MACROD2: variants seen among roughly 807,000 people sequenced by gnomAD.
MACROD2 encodes ADP-ribose glycohydrolase MACROD2.
Under a neutral mutation model 70.4 loss-of-function variants are expected in MACROD2, and 36 were observed. The observed-to-expected ratio is 0.51, with a 90% CI of 0.39 to 0.68. The LOEUF (loss-of-function observed/expected upper bound fraction) is 0.68. Among genes scored for constraint, MACROD2 ranks in the 30% least tolerant of loss-of-function variants. The pLI, the probability that MACROD2 is intolerant of heterozygous loss-of-function variation, is 0.00. For missense variants in MACROD2, 496 were observed against 538.4 expected (o/e 0.92, Z 0.78); for synonymous variants, 172 against 178.8 (o/e 0.96, Z 0.30).
At chr20:14,690,038 C>T (rs1005691538) in intron 5 of MACROD2, among the ~76,000 whole-genome samples, 4 of 151,460 alleles carry the variant, frequency 2.6e-5, no homozygotes, top group Admixed American at 6.6e-5. Flanking sequence ...TACAAAGTCT[C>T]CTGTCTCCAA....
At chr20:14,656,912 C>A (rs191138867) in intron 4 of MACROD2, among the ~76,000 whole-genome samples, 170 of 152,176 alleles carry the variant, frequency 1.1e-3, no homozygotes, top group African/African-American at 4.0e-3. Context: ...AGAGTTAAGA[C>A]GTACATGAGT....
chr20:15,023,630 C>T (rs879434845), intron 5 of MACROD2, among the ~76,000 whole-genome samples: 5 of 152,042 alleles, frequency 3.3e-5, no homozygotes, highest in Non-Finnish European at 7.4e-5. Context: ...TCTTACATGG[C>T]GGCAGGCAAG....
chr20:15,233,335 C>T (rs949022792), intron 6 of MACROD2, among the ~76,000 whole-genome samples: 3 of 151,966 alleles, frequency 2.0e-5, no homozygotes, highest in African/African-American at 7.3e-5. Context: ...TACTGAGCAC[C>T]TTAGCCTGGG....
intron 4 of MACROD2, chr20:14,627,140 T>A (rs1454190794): frequency 6.6e-6 from 1 of 152,196 alleles, no homozygotes; most frequent in Non-Finnish European, 1.5e-5. Flanking sequence ...ATGAACTAGG[T>A]GGATCTGAGT....
intron 8 of MACROD2, among the ~76,000 whole-genome samples, chr20:15,798,332 G>T (rs2063693924): frequency 6.6e-6 from 1 of 152,148 alleles, no homozygotes; most frequent in African/African-American, 2.4e-5. Context: ...TCACATGTCT[G>T]GCACCTCAGC....
chr20:14,662,132 G>T (rs1986256718), intron 4 of MACROD2, among the ~76,000 whole-genome samples: 1 of 152,090 alleles, frequency 6.6e-6, no homozygotes, highest in African/African-American at 2.4e-5. Flanking sequence ...AAAAAAAGAT[G>T]ATAGAACTGT....
intron 5 of MACROD2, among the ~76,000 whole-genome samples, chr20:14,938,581 G>T (rs2074361338): frequency 6.6e-6 from 1 of 152,048 alleles, no homozygotes; most frequent in African/African-American, 2.4e-5. Context: ...AGGAGTTCAA[G>T]ACCAGCCTGG....
chr20:14,371,934 C>T (rs1568581945), intron 3 of MACROD2, among the ~76,000 whole-genome samples: 3 of 152,086 alleles, frequency 2.0e-5, no homozygotes, highest in Non-Finnish European at 2.9e-5. Context: ...TAGCTCCCCC[C>T]AACCCCTCTG....
chr20:14,123,564 A>G (rs550314206), intron 3 of MACROD2, among the ~76,000 whole-genome samples: 2 of 152,280 alleles, frequency 1.3e-5, no homozygotes, highest in East Asian at 3.9e-4. Context: ...AAGAAAATAT[A>G]AAGTCCTGCC....
At chr20:15,066,259 G>A (rs2075574200) in intron 5 of MACROD2, among the ~76,000 whole-genome samples, 1 of 152,092 alleles carries the variant, frequency 6.6e-6, no homozygotes. Context: ...AGCCTCTGGA[G>A]TAGCTGGGAT....
intron 5 of MACROD2, among the ~76,000 whole-genome samples, chr20:14,996,351 C>T (rs777308677): frequency 6.6e-6 from 1 of 152,138 alleles, no homozygotes; most frequent in East Asian, 1.9e-4. Flanking sequence ...GAATCTGTTA[C>T]ATCTGAGACC....
intron 3 of MACROD2, among the ~76,000 whole-genome samples, chr20:14,424,998 T>A (rs1316691492): frequency 1.3e-5 from 2 of 152,244 alleles, no homozygotes; most frequent in Non-Finnish European, 2.9e-5. Context: ...ATTCACCTTG[T>A]TTCTGTTCGG....
intron 15 of MACROD2, among the ~76,000 whole-genome samples, chr20:16,001,882 T>C (rs1418856326): frequency 6.6e-6 from 1 of 152,032 alleles, no homozygotes; most frequent in East Asian, 1.9e-4. Context: ...AAAATTAATA[T>C]AGTCAATATT....
At chr20:14,930,766 T>TAA (rs11474347) in intron 5 of MACROD2, among the ~76,000 whole-genome samples, 17,078 of 71,562 alleles carry the variant, frequency 0.24, 2,480 homozygotes, top group East Asian at 0.44. Context: ...GAGCGTGTCT[T>TAA]AAAAAAAAAA....
At chr20:15,141,306 G>A (rs972482357) in intron 5 of MACROD2, among the ~76,000 whole-genome samples, 4 of 152,090 alleles carry the variant, frequency 2.6e-5, no homozygotes, top group African/African-American at 4.8e-5. Context: ...AGATATACAC[G>A]TGTTTGCATA....
At chr20:14,636,200 CTTCAT>C (rs1190900410) in intron 4 of MACROD2, among the ~76,000 whole-genome samples, 2 of 152,034 alleles carry the variant, frequency 1.3e-5, no homozygotes, top group East Asian at 1.9e-4. Context: ...AGGAGTTTAG[CTTCAT>C]TTCATTTTTC....
intron 5 of MACROD2, among the ~76,000 whole-genome samples, chr20:14,831,923 T>TTTTTTTTTTTTTTTTTGAGAC (rs1568821844): frequency 6.7e-5 from 10 of 148,432 alleles, no homozygotes; most frequent in Non-Finnish European, 1.3e-4. Flanking sequence ...GTTATGTTCT[T>TTTTTTTTTTTTTTTTTGAGAC]GGGGATGCAT....
chr20:15,572,793 T>C (rs1600610436), intron 8 of MACROD2, among the ~76,000 whole-genome samples: 1 of 152,238 alleles, frequency 6.6e-6, no homozygotes, highest in East Asian at 1.9e-4. Context: ...TGTATGTTTT[T>C]AGTCAGCATA....
intron 2 of MACROD2, among the ~76,000 whole-genome samples, chr20:14,054,344 C>A (rs1273952348): frequency 6.6e-6 from 1 of 151,826 alleles, no homozygotes; most frequent in African/African-American, 2.4e-5. Context: ...AGGGGAGTTT[C>A]CAGCTGAGTG....
Sources: gnomAD v4.1 joint callset for allele counts (sites outside exome capture counted in the v4.1 genomes callset) on GRCh38, gnomAD v4.1.1 for gene constraint, MANE v1.5 for transcripts, NCBI Gene and HGNC (gene_info 2026-07-23, HGNC 2026-07-21) for gene names.